The following ANO1 variants were observed in gnomAD, a reference collection of about 807,000 sequenced individuals.
ANO1 encodes the protein anoctamin 1, also known as anoctamin-1.
ANO1 carries 59 observed loss-of-function variants against 124.0 expected under a neutral mutation model. The observed-to-expected ratio is 0.48, with a 90% CI of 0.39 to 0.59. The LOEUF (loss-of-function observed/expected upper bound fraction) is 0.59. Ranked by LOEUF, ANO1 falls within the 20% of genes least tolerant of loss-of-function variation. The pLI is 0.00. For synonymous variants in ANO1, 529 were observed against 532.0 expected (o/e 0.99, Z 0.08); for missense variants, 1,059 against 1,328.0 (o/e 0.80, Z 3.15).
chr11:70,080,146 A>G (rs2044159735), intron 1 of ANO1, among the ~76,000 whole-genome samples: 1 of 152,252 alleles, frequency 6.6e-6, no homozygotes. Flanking sequence ...CGGCAGTGAC[A>G]GGGACTATTC....
chr11:70,123,288 A>C (rs2046368927), intron 8 of ANO1, among the ~76,000 whole-genome samples: 1 of 152,188 alleles, frequency 6.6e-6, no homozygotes, highest in Admixed American at 6.5e-5. Context: ...GATCTCAGGA[A>C]TACGCCCTCC....
At chr11:70,156,835 T>G (rs2047834393) in intron 15 of ANO1, 112 bp from the exon 16 acceptor site, 1 of 881,368 alleles carries the variant, frequency 1.1e-6, no homozygotes. Flanking sequence ...GTATTTCTGT[T>G]GTTCAAGTTG....
At chr11:70,113,399 C>A (rs1243015201) in intron 7 of ANO1, among the ~76,000 whole-genome samples, 1 of 152,186 alleles carries the variant, frequency 6.6e-6, no homozygotes, top group East Asian at 1.9e-4. Flanking sequence ...GTTTCAAGGG[C>A]AGAGTTCAGG....
intron 8 of ANO1, among the ~76,000 whole-genome samples, chr11:70,123,581 G>T (rs910307381): frequency 1.3e-5 from 2 of 152,140 alleles, no homozygotes; most frequent in South Asian, 4.1e-4. Context: ...AGCTGAGGAG[G>T]AGGGCAGCTG....
Position 70,185,667 on chromosome 11 carries a change from C to A in ANO1, c.2666C>A (p.Ala889Asp). 1 of 1,613,932 alleles carries A rather than the reference C, an allele frequency of 6.2e-7. No homozygotes were observed. The highest frequency in any genetic ancestry group is 8.5e-7 in the Non-Finnish European group (1 of 1,179,822). ...ISKDFWAVLAARLAFVIVFQN... is the reference protein window; with the variant it reads ...ISKDFWAVLADRLAFVIVFQN... ...AAGGACTTCTGGGCCGTCCTGGCAG[C>A]CCGGCTGGCGTTTGTCATCGTCTTC... The change falls in exon 25 of 26, where the codon GCC becomes GAC. Residue 889 changes from alanine (A) to aspartate (D), a missense_variant. Transcript: ENST00000355303.
At chr11:70,011,750 G>T (rs1555001147) in intron 1 of ANO1, among the ~76,000 whole-genome samples, 1 of 151,104 alleles carries the variant, frequency 6.6e-6, no homozygotes, top group Non-Finnish European at 1.5e-5. Flanking sequence ...CTGAAAATCT[G>T]CAGAGTGCTG....
the ANO1 span, among the ~76,000 whole-genome samples, chr11:69,979,093 C>T: frequency 3.3e-5 from 5 of 152,302 alleles, no homozygotes; most frequent in South Asian, 8.3e-4. Flanking sequence ...CTGCAAGATT[C>T]CATGCTGAGA....
upstream of ANO1, among the ~76,000 whole-genome samples, chr11:69,982,670 G>C (rs1014835205): frequency 5.3e-5 from 8 of 152,176 alleles, no homozygotes; most frequent in African/African-American, 1.7e-4. Context: ...TGTTCCAGAC[G>C]GGACTGACTC....
At chr11:70,165,318 G>A (rs1343603916) in intron 19 of ANO1, 152 bp from the exon 20 acceptor site, 3 of 653,806 alleles carry the variant, frequency 4.6e-6, no homozygotes, top group African/African-American at 3.7e-5. Flanking sequence ...TTGCAAATAA[G>A]GCCACGTTCC....
the ANO1 span, among the ~76,000 whole-genome samples, chr11:69,980,518 G>A: frequency 6.6e-6 from 1 of 152,004 alleles, no homozygotes; most frequent in Non-Finnish European, 1.5e-5. Flanking sequence ...CTACTTGGGA[G>A]GCTGAGGCAG....
chr11:70,071,619 C>CT (rs34283884), intron 1 of ANO1, among the ~76,000 whole-genome samples: 17 of 149,826 alleles, frequency 1.1e-4, no homozygotes, highest in South Asian at 8.5e-4. Context: ...TGATTAATAA[C>CT]TTTTTTTTTT....
intron 11 of ANO1, among the ~76,000 whole-genome samples, chr11:70,146,738 C>T (rs1590855180): frequency 2.0e-5 from 3 of 152,190 alleles, no homozygotes; most frequent in East Asian, 1.9e-4. Context: ...TGGTTGAAGG[C>T]GTGAGAGCCC....
At chr11:69,992,612 T>C (rs1197804770) in intron 1 of ANO1, among the ~76,000 whole-genome samples, 1 of 152,174 alleles carries the variant, frequency 6.6e-6, no homozygotes, top group Non-Finnish European at 1.5e-5. Context: ...ACTGCCACTC[T>C]CTCTCCTGGC....
At chr11:70,145,394 C>T (rs1019757127) in intron 11 of ANO1, among the ~76,000 whole-genome samples, 2 of 152,194 alleles carry the variant, frequency 1.3e-5, no homozygotes, top group Non-Finnish European at 2.9e-5. Flanking sequence ...TCCAGCCTTC[C>T]GCTGCCAATG....
chr11:70,007,931 A>C (rs1314327318), intron 1 of ANO1, among the ~76,000 whole-genome samples: 3 of 152,072 alleles, frequency 2.0e-5, no homozygotes, highest in Non-Finnish European at 2.9e-5. Flanking sequence ...GGTTATTATT[A>C]CTTTTTTTAA....
At chr11:70,065,929 G>A (rs1159023262) in intron 1 of ANO1, among the ~76,000 whole-genome samples, 5 of 152,090 alleles carry the variant, frequency 3.3e-5, no homozygotes, top group South Asian at 2.1e-4. Context: ...TCGCTAGCCC[G>A]CCGTCCCCTC....
chr11:69,994,471 C>G (rs1323889784), intron 1 of ANO1, among the ~76,000 whole-genome samples: 1 of 151,086 alleles, frequency 6.6e-6, no homozygotes, highest in African/African-American at 2.5e-5. Flanking sequence ...TGGAGATAGA[C>G]AGATAAAAGG....
At chr11:70,072,955 A>G (rs1210072429) in intron 1 of ANO1, 1 of 152,278 alleles carries the variant, frequency 6.6e-6, no homozygotes, top group African/African-American at 2.4e-5. Flanking sequence ...GAGAAAATAC[A>G]TAATCAGGAC....
At chr11:70,082,294 C>T (rs1435057771) in intron 1 of ANO1, among the ~76,000 whole-genome samples, 2 of 152,214 alleles carry the variant, frequency 1.3e-5, no homozygotes, top group Non-Finnish European at 2.9e-5. Context: ...TGCCATGGCT[C>T]ACACCTCTAA....
Sources: allele counts gnomAD v4.1 joint callset (sites outside exome capture counted in the v4.1 genomes callset), GRCh38; gene constraint gnomAD v4.1.1; transcripts MANE v1.5; gene names NCBI Gene and HGNC (gene_info 2026-07-23, HGNC 2026-07-21).